TNRC6B: variants seen among roughly 807,000 people sequenced by gnomAD.
TNRC6B encodes the protein trinucleotide repeat-containing gene 6B protein.
A neutral mutation model predicts 203.6 loss-of-function variants in TNRC6B; 52 were observed. The ratio of observed to expected loss-of-function variants is 0.26; its 90% CI spans 0.20 to 0.32. The LOEUF is 0.32. Among genes scored for constraint, TNRC6B ranks in the 10% least tolerant of loss-of-function variants. The pLI is 1.00. For synonymous variants in TNRC6B, 838 were observed against 845.7 expected (o/e 0.99, Z 0.16); for missense variants, 1,923 against 2,286.2 (o/e 0.84, Z 3.24).
At chr22:40,283,072 G>T (rs959791988) in intron 11 of TNRC6B, among the ~76,000 whole-genome samples, 3 of 151,848 alleles carry the variant, frequency 2.0e-5, no homozygotes, top group East Asian at 3.9e-4. Flanking sequence ...TCTTGCCTCT[G>T]TCGCCCAGGC....
At position 40,323,128 on chromosome 22, in the gene TNRC6B, A is replaced by G. The variant is rs776122168; in HGVS notation, c.5389A>G (p.Asn1797Asp). The G allele has an allele frequency of 1.1e-5, 17 of 1,613,374 alleles. No individual in the cohort carries two copies. The highest frequency in any genetic ancestry group is 1.4e-5 in the Non-Finnish European group (16 of 1,179,674). The change falls in exon 23 of 23, where the codon AAC becomes GAC. Residue 1797 changes from asparagine to aspartate, a missense_variant. Transcript: ENST00000454349. ...TGGCGCTTCATTGTGGGGGCCCCCA[A>G]ACTATTCTTCTAGCTTATGGGGAGT... ...LAGASLWGPP[N>D]YSSSLWGVPT...
chr22:40,218,851 C>A (rs930568053), intron 1 of TNRC6B, among the ~76,000 whole-genome samples: 1 of 152,140 alleles, frequency 6.6e-6, no homozygotes, highest in Admixed American at 6.5e-5. Context: ...GTTGAGGCCA[C>A]GTGAATGTCG....
intron 3 of TNRC6B, among the ~76,000 whole-genome samples, chr22:40,141,204 CTTTTTTT>C (rs757105010): frequency 5.3e-5 from 4 of 75,692 alleles, no homozygotes; most frequent in African/African-American, 1.6e-4. Flanking sequence ...AAATTCTGTC[CTTTTTTT>C]TTTTTTTTTT....
At chr22:40,232,810 C>A (rs1319707711) in intron 1 of TNRC6B, among the ~76,000 whole-genome samples, 1 of 152,152 alleles carries the variant, frequency 6.6e-6, no homozygotes, top group South Asian at 2.1e-4. Context: ...AACAGGAATT[C>A]GAGACCAGCC....
chr22:40,083,883 A>G (rs1038185697), intron 1 of TNRC6B, among the ~76,000 whole-genome samples: 2 of 151,988 alleles, frequency 1.3e-5, no homozygotes, highest in African/African-American at 4.8e-5. Context: ...AAAGGCAGGG[A>G]AGGGTTGGGG....
In TNRC6B at chr22:40,177,972, G is replaced by A. The variant is rs1168559950; in HGVS notation, c.-164G>A. Reference sequence around the variant, plus strand: ...AGCAAGAGGGAGAGTGTGTGAGAGAGAGTTAGTTCAAGCCAAAATGGCCGA... The same window carrying A: ...AGCAAGAGGGAGAGTGTGTGAGAGAAAGTTAGTTCAAGCCAAAATGGCCGA... On this transcript the variant is annotated 5_prime_UTR_variant, in exon 1 of 23. Coordinates refer to ENST00000454349, the MANE Select transcript of TNRC6B (RefSeq NM_001162501.2). 2.0e-6 allele frequency: 3 copies of A among 1,472,490 alleles called. No individual in the cohort carries two copies. The highest frequency in any genetic ancestry group is 2.7e-6 in the Non-Finnish European group (3 of 1,119,642). 91.2% of individuals were successfully genotyped at this position (1,472,490 alleles called of 1,614,324 possible). A position where few individuals can be genotyped will look rare whatever the true frequency, so the allele number is the denominator to read the frequency against.
intron 16 of TNRC6B, 69 bp from the exon 17 acceptor site, chr22:40,310,748 G>A (rs1412282792): frequency 7.6e-6 from 11 of 1,454,816 alleles, no homozygotes; most frequent in African/African-American, 2.8e-5. Flanking sequence ...GCATTCCAGC[G>A]AATAAAAAAT....
chr22:40,151,395 C>G (rs1309210373), intron 3 of TNRC6B, among the ~76,000 whole-genome samples: 1 of 150,888 alleles, frequency 6.6e-6, no homozygotes, highest in African/African-American at 2.4e-5. Flanking sequence ...GAAACCCCAT[C>G]TCTACTAAAA....
chr22:40,142,834 A>G (rs2068656635), intron 3 of TNRC6B, among the ~76,000 whole-genome samples: 1 of 152,088 alleles, frequency 6.6e-6, no homozygotes, highest in Non-Finnish European at 1.5e-5. Context: ...AGACTAATGT[A>G]ATTAAGTGAG....
intron 15 of TNRC6B, among the ~76,000 whole-genome samples, chr22:40,304,734 A>C (rs1289468581): frequency 1.3e-5 from 2 of 152,254 alleles, no homozygotes; most frequent in African/African-American, 2.4e-5. Context: ...CATTTCTGAT[A>C]AAATTTCACT....
chr22:40,156,067 G>A (rs1042274356), intron 3 of TNRC6B: 29 of 1,529,998 alleles, frequency 1.9e-5, no homozygotes, highest in South Asian at 3.6e-5. Flanking sequence ...GGAGTGAGTC[G>A]CATTGTAGTT....
At chr22:40,227,551 A>G (rs1305427987) in intron 1 of TNRC6B, among the ~76,000 whole-genome samples, 1 of 151,642 alleles carries the variant, frequency 6.6e-6, no homozygotes, top group East Asian at 1.9e-4. Flanking sequence ...AGGTTTCACC[A>G]TGTTGGCCAG....
At chr22:40,276,386 A>G (rs1010229341) in intron 7 of TNRC6B, among the ~76,000 whole-genome samples, 1 of 152,028 alleles carries the variant, frequency 6.6e-6, no homozygotes, top group Non-Finnish European at 1.5e-5. Flanking sequence ...TTCACCTGTG[A>G]AATACACAAC....
intron 1 of TNRC6B, among the ~76,000 whole-genome samples, chr22:40,053,815 T>C (rs1402645803): frequency 8.5e-5 from 13 of 152,268 alleles, no homozygotes; most frequent in Non-Finnish European, 1.9e-4. Context: ...TTGTTGAAAC[T>C]GTAGTGAGAA....
At chr22:40,165,205 C>G (rs2068908487) in intron 4 of TNRC6B, among the ~76,000 whole-genome samples, 1 of 150,808 alleles carries the variant, frequency 6.6e-6, no homozygotes, top group South Asian at 2.1e-4. Flanking sequence ...GAGACAGGGT[C>G]TCTCGCTGTC....
At chr22:40,258,600 TC>T (rs2070322908) in intron 3 of TNRC6B, among the ~76,000 whole-genome samples, 1 of 152,298 alleles carries the variant, frequency 6.6e-6, no homozygotes, top group East Asian at 1.9e-4. Context: ...TTTGTTTTTT[TC>T]TTTTTATACT....
At chr22:40,171,080 T>G (rs888660274) in intron 4 of TNRC6B, among the ~76,000 whole-genome samples, 9 of 149,172 alleles carry the variant, frequency 6.0e-5, no homozygotes, top group African/African-American at 7.3e-5. Flanking sequence ...ATATGTATGT[T>G]TATATATATG....
At chr22:40,105,103 GC>G (rs1291984406) in intron 1 of TNRC6B, among the ~76,000 whole-genome samples, 3 of 152,194 alleles carry the variant, frequency 2.0e-5, no homozygotes, top group Non-Finnish European at 4.4e-5. Context: ...AGCAAGTGTG[GC>G]AGACTACTTG....
chr22:40,170,591 T>TATATAGTTTATATATATTA (rs1555886856), intron 4 of TNRC6B, among the ~76,000 whole-genome samples: 1 of 16,538 alleles, frequency 6.0e-5, no homozygotes, highest in Non-Finnish European at 8.9e-5. Context: ...TATATATATA[T>TATATAGTTTATATATATTA]TATATATAGT....
Sources: gnomAD v4.1 joint callset for allele counts (sites outside exome capture counted in the v4.1 genomes callset) on GRCh38, gnomAD v4.1.1 for gene constraint, MANE v1.5 for transcripts, NCBI Gene and HGNC (gene_info 2026-07-23, HGNC 2026-07-21) for gene names.